IQCH: variants seen among roughly 807,000 people sequenced by gnomAD.
IQCH encodes IQ domain-containing protein H.
Under a neutral mutation model 117.0 loss-of-function variants are expected in IQCH, and 98 were observed. The ratio of observed to expected loss-of-function variants is 0.84; its 90% CI spans 0.71 to 0.99. The LOEUF is 0.99. Among genes scored for constraint, IQCH ranks in the 50% least tolerant of loss-of-function variants. IQCH has a pLI of 0.00. For missense variants in IQCH, 1,102 were observed against 1,243.8 expected (o/e 0.89, Z 1.72); for synonymous variants, 412 against 448.2 (o/e 0.92, Z 1.02).
At chr15:67,487,933 T>A (rs1268019373) in intron 18 of IQCH, among the ~76,000 whole-genome samples, 1 of 151,882 alleles carries the variant, frequency 6.6e-6, no homozygotes, top group Non-Finnish European at 1.5e-5. Context: ...GAGAAAACGG[T>A]TACAAGATAA....
rs1388050858 is a variant in IQCH, at chr15:67,463,353, C to T, written c.2506-1774C>T. ...TTTTCATGGCATGTCTTATATTAAACACAAACATGTTCTGATCCTCTGCAA... is the reference window on the plus strand; with the variant it reads ...TTTTCATGGCATGTCTTATATTAAATACAAACATGTTCTGATCCTCTGCAA... On this transcript the variant is annotated intron_variant, in intron 16 of 20. Coordinates refer to ENST00000335894, the MANE Select transcript of IQCH (RefSeq NM_001031715.3). The surrounding 1 kb of genome is among the most constrained non-coding windows in gnomAD (Gnocchi z 4.0). Among the ~76,000 whole-genome samples the T allele has an allele frequency of 6.6e-6, 1 of 152,182 alleles. No individual in the cohort carries two copies. Among genetic ancestry groups the T allele is most frequent in the African/African-American group, 2.4e-5 (1 of 41,456 alleles).
chr15:67,298,445 C>T (rs937713681), intron 4 of IQCH, among the ~76,000 whole-genome samples: 2 of 152,042 alleles, frequency 1.3e-5, no homozygotes, highest in Admixed American at 1.3e-4. Context: ...ACTAAAATGA[C>T]TTTTATCTAA....
At chr15:67,437,099 C>T (rs556785979) in intron 16 of IQCH, among the ~76,000 whole-genome samples, 31 of 152,296 alleles carry the variant, frequency 2.0e-4, no homozygotes, top group African/African-American at 7.5e-4. Context: ...CCAACCAGCA[C>T]AAAAATAGAG....
intron 4 of IQCH, among the ~76,000 whole-genome samples, chr15:67,286,712 T>A (rs1022708434): frequency 6.6e-6 from 1 of 152,052 alleles, no homozygotes; most frequent in Non-Finnish European, 1.5e-5. Flanking sequence ...CAGGTTCAAA[T>A]GGGAACCTGC....
chr15:67,498,384 G>A (rs1412498815), intron 20 of IQCH, among the ~76,000 whole-genome samples: 1 of 151,934 alleles, frequency 6.6e-6, no homozygotes, highest in Admixed American at 6.6e-5. Context: ...GGGAGGCCGA[G>A]GCAGGTGGAT....
At chr15:67,256,952 C>G (rs1464063622) in intron 1 of IQCH, among the ~76,000 whole-genome samples, 9 of 152,334 alleles carry the variant, frequency 5.9e-5, no homozygotes, top group African/African-American at 2.2e-4. Context: ...TCCCTACTTT[C>G]TCAGTGAATC....
chr15:67,390,297 T>C lies in IQCH; in HGVS notation c.1632+1291T>C, dbSNP rs193133210. Among the ~76,000 whole-genome samples, 2 of 152,242 alleles carry C rather than the reference T, an allele frequency of 1.3e-5. No homozygotes were observed. Among genetic ancestry groups the C allele is most frequent in the Non-Finnish European group, 2.9e-5 (2 of 68,012 alleles). ...TGCAAGGAAGAAAAAGAACTACCATTAGTGTTTAGTTAAATTCCTGATTTT... is the reference window on the plus strand; with the variant it reads ...TGCAAGGAAGAAAAAGAACTACCATCAGTGTTTAGTTAAATTCCTGATTTT... On this transcript the variant is annotated intron_variant, in intron 12 of 20. Coordinates refer to ENST00000335894, the MANE Select transcript of IQCH (RefSeq NM_001031715.3). This position sits in a 1 kb window ranked among gnomAD's most constrained non-coding sequence, Gnocchi z 5.0.
At chr15:67,449,084 T>C (rs1159399531) in intron 16 of IQCH, among the ~76,000 whole-genome samples, 16 of 150,778 alleles carry the variant, frequency 1.1e-4, no homozygotes, top group African/African-American at 3.6e-4. Flanking sequence ...TGTTTTTTTC[T>C]TGTAAATTTG....
rs760982862 is a variant in IQCH at position 67,479,399 on chromosome 15, A to G, written c.2799+3581A>G. ...CTTCGTCTTACACAAGGTGTCCCCT[A>G]TATAAGCCCTTTTCCCCCTAAGGAC... On this transcript the variant is annotated intron_variant, in intron 18 of 20. Coordinates refer to ENST00000335894, the MANE Select transcript of IQCH (RefSeq NM_001031715.3). The surrounding 1 kb of genome is among the most constrained non-coding windows in gnomAD (Gnocchi z 4.6). Among the ~76,000 whole-genome samples the G allele has an allele frequency of 2.0e-5, 3 of 152,154 alleles. No homozygotes were observed. The highest frequency in any genetic ancestry group is 2.9e-5 in the Non-Finnish European group (2 of 68,024).
chr15:67,306,273 T>C (rs1176039634), intron 4 of IQCH, among the ~76,000 whole-genome samples: 1 of 152,110 alleles, frequency 6.6e-6, no homozygotes, highest in Non-Finnish European at 1.5e-5. Context: ...TGGGGATAAA[T>C]GCAGTTGTGA....
chr15:67,384,795 CG>C lies in IQCH; in HGVS notation c.1373-138del. The stretch of plus-strand genomic sequence containing the variant: ...CCCGAGAAACAAGCACCTCATTCTT[CG>C]GGATTGGGTTGTTTCTGTAAGATGC... On this transcript the variant is annotated intron_variant, in intron 10 of 20. Coordinates refer to ENST00000335894, the MANE Select transcript of IQCH (RefSeq NM_001031715.3). The surrounding 1 kb of genome is among the most constrained non-coding windows in gnomAD (Gnocchi z 4.3). The C allele has an allele frequency of 1.7e-6, 1 of 587,026 alleles. No individual in the cohort carries two copies. The highest frequency in any genetic ancestry group is 3.1e-6 in the Non-Finnish European group (1 of 318,946). 36.4% of individuals were successfully genotyped at this position (587,026 alleles called of 1,614,324 possible).
In IQCH at chr15:67,336,875, CTT is replaced by C. The variant is rs902053642; in HGVS notation, c.388-99_388-98del. The C allele has an allele frequency of 4.2e-6, 5 of 1,179,360 alleles. No homozygotes were observed. The African/African-American group carries it at 6.1e-5, about 14-fold the overall frequency. 73.1% of individuals were successfully genotyped at this position (1,179,360 alleles called of 1,614,324 possible). On this transcript the variant is annotated intron_variant, in intron 4 of 20. Transcript: ENST00000335894. Reference sequence around the variant, plus strand: ...AGCTGATATTGCTACTTTATTAAAACTTAATGCAACTATTCATAACTTTATTT... The same window carrying C: ...AGCTGATATTGCTACTTTATTAAAACAATGCAACTATTCATAACTTTATTT...
rs1970724914 is a variant in IQCH, at chr15:67,376,019, TC to T, written c.1372+2587del. Reference sequence around the variant, plus strand: ...CCAGGCTGGTCTGGAACCCCTGACCTCAAGTGATCCACCAGCCTCGGCCTCC... The same window carrying T: ...CCAGGCTGGTCTGGAACCCCTGACCTAAGTGATCCACCAGCCTCGGCCTCC... On this transcript the variant is annotated intron_variant, in intron 10 of 20. Transcript: ENST00000335894. The surrounding 1 kb of genome is among the most constrained non-coding windows in gnomAD (Gnocchi z 5.0). 6.6e-6 allele frequency among the ~76,000 whole-genome samples: 1 copy of T among 152,058 alleles called. No homozygotes were observed. Among genetic ancestry groups the T allele is most frequent in the African/African-American group, 2.4e-5 (1 of 41,398 alleles).
At position 67,284,206 on chromosome 15, in the gene IQCH, A is replaced by G. The variant is rs542820548; in HGVS notation, c.387+4694A>G. 1.1e-4 allele frequency among the ~76,000 whole-genome samples: 17 copies of G among 152,228 alleles called. No homozygotes were observed. The East Asian group carries it at 2.7e-3, about 24-fold the overall frequency. On this transcript the variant is annotated intron_variant, in intron 4 of 20. Coordinates refer to ENST00000335894, the MANE Select transcript of IQCH (RefSeq NM_001031715.3). ...CCCCCTAACCCACACTACCCTTCCC[A>G]GACTCTAGTAACTATCCTTCTACTT... is the stretch of plus-strand genomic sequence containing the variant.
intron 4 of IQCH, among the ~76,000 whole-genome samples, chr15:67,319,002 A>G (rs959326621): frequency 6.6e-6 from 1 of 152,162 alleles, no homozygotes; most frequent in Non-Finnish European, 1.5e-5. Context: ...CGAGGCAGGC[A>G]GTATCACGAG....
At chr15:67,468,689 A>G (rs936874191) in intron 17 of IQCH, among the ~76,000 whole-genome samples, 1 of 152,250 alleles carries the variant, frequency 6.6e-6, no homozygotes, top group African/African-American at 2.4e-5. Flanking sequence ...TTGCAGCCAC[A>G]TTCAAGTTTA....
intron 4 of IQCH, among the ~76,000 whole-genome samples, chr15:67,291,539 G>T (rs1292861421): frequency 2.0e-5 from 3 of 152,156 alleles, no homozygotes; most frequent in African/African-American, 7.2e-5. Flanking sequence ...AACCTGGAAA[G>T]AATCTTTAAT....
In IQCH at chr15:67,421,423, C is replaced by A; in HGVS notation, c.2351C>A (p.Ser784Tyr). The A allele has an allele frequency of 6.2e-7, 1 of 1,614,210 alleles. No individual in the cohort carries two copies. The highest frequency in any genetic ancestry group is 8.5e-7 in the Non-Finnish European group (1 of 1,180,034). Residue 784 changes from serine to tyrosine, a missense_variant, in exon 16 of 21, where the codon TCC becomes TAC. Ser to Tyr is a moderately radical substitution (Grantham distance 144). Around this residue, in one of 2 missense-constraint regions of IQCH, gnomAD observed 650 missense variants for 794.3 expected, o/e 0.82. Transcript: ENST00000335894. ...CTTCATGCTGAAAGCCCCTTCATCT[C>A]CTCTGGTACCACCGTGCCTCAGACC... ...DQLHAESPFI[S>Y]SGTTVPQTSV...
chr15:67,373,690 A>G (rs1461415086), intron 10 of IQCH: 1 of 571,994 alleles, frequency 1.7e-6, no homozygotes, highest in East Asian at 3.0e-5. Context: ...TTTCATCTGT[A>G]TGAAATGAAC....
Sources: allele counts gnomAD v4.1 joint callset (sites outside exome capture counted in the v4.1 genomes callset), GRCh38; gene constraint gnomAD v4.1.1; regional missense constraint gnomAD v4.1.1; non-coding constraint Gnocchi (gnomAD v3.1); transcripts MANE v1.5; gene names NCBI Gene and HGNC (gene_info 2026-07-23, HGNC 2026-07-21).